Variants in SMYD1 observed in about 807,000 individuals in gnomAD.
SMYD1 encodes the protein SET and MYND domain containing 1.
SMYD1 carries 49 observed loss-of-function variants against 54.0 expected under a neutral mutation model. The ratio of observed to expected loss-of-function variants is 0.91; its 90% CI spans 0.72 to 1.15. The LOEUF is 1.15. SMYD1 is among the 50% of genes most tolerant of loss of function. The pLI is 0.00. For missense variants in SMYD1, 653 were observed against 639.6 expected (o/e 1.02, Z -0.23); for synonymous variants, 269 against 234.2 (o/e 1.15, Z -1.36).
intron 4 of SMYD1, among the ~76,000 whole-genome samples, chr2:88,093,046 T>C (rs1031487831): frequency 6.6e-6 from 1 of 152,206 alleles, no homozygotes; most frequent in Non-Finnish European, 1.5e-5. Context: ...AGGGGCCCAA[T>C]TTGAACCCCA....
At position 88,087,742 on chromosome 2, in the gene SMYD1, C is replaced by G; in HGVS notation, c.315-120C>G. 3.6e-6 allele frequency: 3 copies of G among 842,260 alleles called. No individual in the cohort carries two copies. The South Asian group carries it at 5.6e-5, about 16-fold the overall frequency. 52.2% of individuals were successfully genotyped at this position (842,260 alleles called of 1,614,324 possible). On this transcript the variant is annotated intron_variant, in intron 2 of 9. Coordinates refer to ENST00000419482, the MANE Select transcript of SMYD1 (RefSeq NM_198274.4). ...TCATGATAGAATAAATTCCATCCAT[C>G]TAGTTTAAAAACGTATCTTGGGCCC...
chr2:88,103,768 C>T (rs1370965704), intron 7 of SMYD1, among the ~76,000 whole-genome samples: 1 of 152,098 alleles, frequency 6.6e-6, no homozygotes, highest in Non-Finnish European at 1.5e-5. Flanking sequence ...GGGGTATTTG[C>T]ATTGAATTAA....
At chr2:88,101,400 T>C (rs1674717571) in intron 6 of SMYD1, among the ~76,000 whole-genome samples, 1 of 152,210 alleles carries the variant, frequency 6.6e-6, no homozygotes, top group African/African-American at 2.4e-5. Flanking sequence ...TTTATATTGA[T>C]ATGGGAAAAT....
At chr2:88,096,346 A>G (rs1444531390) in intron 5 of SMYD1, among the ~76,000 whole-genome samples, 6 of 152,186 alleles carry the variant, frequency 3.9e-5, no homozygotes, top group Admixed American at 3.3e-4. Context: ...CTCTACTAGG[A>G]GTCTATTTGA....
intron 4 of SMYD1, among the ~76,000 whole-genome samples, chr2:88,091,775 G>T (rs1174143803): frequency 1.3e-5 from 2 of 152,154 alleles, no homozygotes; most frequent in Non-Finnish European, 2.9e-5. Flanking sequence ...GAGGCAGGAG[G>T]ATCACTTGAC....
At chr2:88,104,257 C>A (rs980816759) in intron 7 of SMYD1, among the ~76,000 whole-genome samples, 4 of 152,186 alleles carry the variant, frequency 2.6e-5, no homozygotes, top group South Asian at 4.1e-4. Flanking sequence ...TGAGCCACTG[C>A]GCCTGGCCTC....
At chr2:88,076,692 G>A (rs1250574261) in intron 1 of SMYD1, among the ~76,000 whole-genome samples, 1 of 152,182 alleles carries the variant, frequency 6.6e-6, no homozygotes, top group Admixed American at 6.5e-5. Context: ...GGGTACTTGA[G>A]GGATGGGATG....
At chr2:88,089,030 C>T (rs942755391) in intron 3 of SMYD1, among the ~76,000 whole-genome samples, 2 of 152,042 alleles carry the variant, frequency 1.3e-5, no homozygotes, top group Admixed American at 6.6e-5. Context: ...TATTGGGGGG[C>T]AAAGGGAGAG....
intron 2 of SMYD1, among the ~76,000 whole-genome samples, chr2:88,086,407 T>G (rs1674326363): frequency 5.9e-5 from 9 of 152,174 alleles, no homozygotes. Context: ...AACATTAAAG[T>G]GTCCCTGGGT....
At chr2:88,088,184 C>G (rs750311762) in intron 3 of SMYD1, 109 bp downstream of exon 3, 2 of 1,169,516 alleles carry the variant, frequency 1.7e-6, no homozygotes, top group Non-Finnish European at 2.4e-6. Flanking sequence ...GAGGCAGAAG[C>G]CCTGTCTGCC....
At chr2:88,072,718 G>A (rs190701957) in intron 1 of SMYD1, among the ~76,000 whole-genome samples, 1 of 151,982 alleles carries the variant, frequency 6.6e-6, no homozygotes, top group East Asian at 1.9e-4. Flanking sequence ...ATAATTTCAG[G>A]TTCAATGTAA....
chr2:88,070,145 C>T (rs1287669225), intron 1 of SMYD1, among the ~76,000 whole-genome samples: 1 of 151,868 alleles, frequency 6.6e-6, no homozygotes, highest in African/African-American at 2.4e-5. Context: ...AAATGCTTTA[C>T]CCAAACTTGT....
chr2:88,068,880 G>A (rs1673890097), intron 1 of SMYD1, among the ~76,000 whole-genome samples: 1 of 151,872 alleles, frequency 6.6e-6, no homozygotes, highest in African/African-American at 2.4e-5. Flanking sequence ...GAGACAATTG[G>A]TAGTTTTTAA....
At chr2:88,087,839 T>G (rs1295654275) in intron 2 of SMYD1, 23 bp from the exon 3 acceptor site, 2 of 1,532,996 alleles carry the variant, frequency 1.3e-6, no homozygotes, top group African/African-American at 2.7e-5. Context: ...TGTAGTGGCC[T>G]CCTGACGCTG....
In SMYD1 at chr2:88,106,429, C is replaced by T. The variant is rs778573981; in HGVS notation, c.1086C>T (p.Ser362=). 1.7e-5 allele frequency: 27 copies of T among 1,614,180 alleles called. No homozygotes were observed. In the Admixed American group the frequency reaches 3.8e-4, roughly 23 times the overall value. Residue 362 remains serine, a synonymous_variant, in exon 8 of 10, where the codon TCC becomes TCT. Coordinates refer to ENST00000419482, the MANE Select transcript of SMYD1 (RefSeq NM_198274.4). ...TGAGCATTGTTTCGGAGGTCCTTTC[C>T]TACCTCCAGGCCTTTGAGGAGGCCT... ...RMLSIVSEVL[S]YLQAFEEASF...
At chr2:88,069,909 C>G (rs958712687) in intron 1 of SMYD1, among the ~76,000 whole-genome samples, 23 of 152,126 alleles carry the variant, frequency 1.5e-4, no homozygotes, top group Non-Finnish European at 1.3e-4. Flanking sequence ...TCTTCTATTA[C>G]CTGCTGATGA....
At chr2:88,102,327 G>T (rs1429584171) in intron 6 of SMYD1, among the ~76,000 whole-genome samples, 1 of 151,654 alleles carries the variant, frequency 6.6e-6, no homozygotes, top group African/African-American at 2.4e-5. Context: ...TCTTAATTTT[G>T]GCACTTCCTT....
chr2:88,076,303 C>T (rs548710776), intron 1 of SMYD1, among the ~76,000 whole-genome samples: 2 of 152,344 alleles, frequency 1.3e-5, no homozygotes, highest in South Asian at 4.1e-4. Flanking sequence ...CAAGCTCCGC[C>T]TCCTGGGTTC....
intron 9 of SMYD1, among the ~76,000 whole-genome samples, chr2:88,109,578 C>T (rs1674963163): frequency 6.6e-6 from 1 of 152,052 alleles, no homozygotes; most frequent in African/African-American, 2.4e-5. Context: ...ACAGGGCTGT[C>T]CTCAGACAGT....
Sources: allele counts gnomAD v4.1 joint callset (sites outside exome capture counted in the v4.1 genomes callset), GRCh38; gene constraint gnomAD v4.1.1; transcripts MANE v1.5; gene names NCBI Gene and HGNC (gene_info 2026-07-23, HGNC 2026-07-21).